The following CNGB1 variants were observed in gnomAD, a reference collection of about 807,000 sequenced individuals.
CNGB1 encodes cyclic nucleotide gated channel subunit beta 1.
CNGB1 carries 126 observed loss-of-function variants against 151.7 expected under a neutral mutation model. That is an observed-to-expected ratio of 0.83 (90% CI 0.72 to 0.96). CNGB1 has a LOEUF of 0.96. CNGB1 is among the 40% of genes least tolerant of loss of function. The pLI is 0.00. For missense variants in CNGB1, 1,698 were observed against 1,627.0 expected (o/e 1.04, Z -0.75); for synonymous variants, 623 against 635.1 (o/e 0.98, Z 0.29).
At chr16:57,960,193 C>T (rs1001640935) in intron 9 of CNGB1, 128 bp from the exon 10 acceptor site, 1 of 1,474,592 alleles carries the variant, frequency 6.8e-7, no homozygotes, top group Non-Finnish European at 9.0e-7. Flanking sequence ...GACCACCTCA[C>T]CCATCCCAAT....
At chr16:57,964,092 CG>C in intron 4 of CNGB1, 37 bp downstream of exon 4, 1 of 1,602,410 alleles carries the variant, frequency 6.2e-7, no homozygotes, top group Middle Eastern at 1.8e-4. Context: ...AGTTGGGAGG[CG>C]GGCTGGCCCT....
At chr16:57,939,404 C>A (rs1385054568) in intron 16 of CNGB1, 26 bp downstream of exon 16, 1 of 1,613,880 alleles carries the variant, frequency 6.2e-7, no homozygotes, top group East Asian at 2.2e-5. Flanking sequence ...TCTTGCGCAA[C>A]CCATCACCAC....
intron 25 of CNGB1, 103 bp from the exon 26 acceptor site, chr16:57,904,978 G>A: frequency 6.9e-7 from 1 of 1,446,988 alleles, no homozygotes; most frequent in Non-Finnish European, 9.7e-7. Flanking sequence ...TTGTGCAAAA[G>A]ACAGAAACCC....
chr16:57,963,591 C>T (rs942255124), intron 4 of CNGB1, among the ~76,000 whole-genome samples: 3 of 152,168 alleles, frequency 2.0e-5, no homozygotes, highest in Admixed American at 6.5e-5. Flanking sequence ...CTGCTCAGGC[C>T]CCAAGCACCA....
chr16:57,924,720 G>A (rs747487254), intron 17 of CNGB1, among the ~76,000 whole-genome samples: 34 of 152,140 alleles, frequency 2.2e-4, no homozygotes, highest in Admixed American at 1.7e-3. Flanking sequence ...CTTGGTGGAC[G>A]TGATTAGATC....
At chr16:57,890,069 G>A (rs1457641332) in intron 31 of CNGB1, among the ~76,000 whole-genome samples, 1 of 152,102 alleles carries the variant, frequency 6.6e-6, no homozygotes, top group Non-Finnish European at 1.5e-5. Context: ...GCTTTTTACC[G>A]GCAATTTTTC....
intron 31 of CNGB1, among the ~76,000 whole-genome samples, chr16:57,896,795 A>G (rs576756283): frequency 9.2e-5 from 14 of 152,052 alleles, no homozygotes; most frequent in African/African-American, 3.1e-4. Context: ...AAAGAAGTCC[A>G]AGTCACTAAA....
At chr16:57,958,539 T>A in intron 10 of CNGB1, 54 bp from the exon 11 acceptor site, 4 of 1,506,850 alleles carry the variant, frequency 2.7e-6, no homozygotes, top group Non-Finnish European at 3.7e-6. Context: ...ATGGGTAAAC[T>A]GAGGCTGGAG....
At chr16:57,953,493 TAAAAAAA>T (rs61409577) in intron 12 of CNGB1, among the ~76,000 whole-genome samples, 2 of 122,822 alleles carry the variant, frequency 1.6e-5, no homozygotes, top group Admixed American at 8.6e-5. Context: ...GGCTCAATCT[TAAAAAAA>T]AAAAAAAAAA....
In CNGB1 at chr16:57,917,254, T is replaced by A. The variant is rs1166164032; in HGVS notation, c.2166+14A>T. On this transcript the variant is annotated intron_variant, in intron 21 of 32. Coordinates refer to ENST00000251102, the MANE Select transcript of CNGB1 (RefSeq NM_001297.5). ...TGCCCCCGGTCACCCCAACACCACC[T>A]GCCTGTGACTCACAATGATGTCCCC... 1 of 1,608,322 alleles carries A rather than the reference T, an allele frequency of 6.2e-7. No individual in the cohort carries two copies. Among genetic ancestry groups the A allele is most frequent in the Non-Finnish European group, 8.5e-7 (1 of 1,177,214 alleles).
intron 23 of CNGB1, among the ~76,000 whole-genome samples, chr16:57,913,853 A>G (rs190824308): frequency 1.3e-3 from 203 of 152,336 alleles, no homozygotes; most frequent in Admixed American, 0.013. Context: ...CTCCTTTGAC[A>G]GAAATTGGTG....
intron 11 of CNGB1, among the ~76,000 whole-genome samples, chr16:57,957,601 G>A (rs1962123762): frequency 6.6e-6 from 1 of 152,182 alleles, no homozygotes; most frequent in South Asian, 2.1e-4. Flanking sequence ...AAGCAAGGTG[G>A]GGGTGACCCC....
Position 57,909,942 on chromosome 16 carries a change from G to A in CNGB1, c.2492+1811C>T, listed in dbSNP as rs146363030. On this transcript the variant is annotated intron_variant, in intron 25 of 32. Transcript: ENST00000251102. ...TGGGGCGGTACTATCTGATGTGATG[G>A]TTGTGAATTACTGTGTTCAGTGCTT... is the stretch of plus-strand genomic sequence containing the variant. 5.1e-3 allele frequency among the ~76,000 whole-genome samples: 779 copies of A among 152,358 alleles called. 8 individuals are homozygous for A. The highest frequency in any genetic ancestry group is 0.018 in the African/African-American group (739 of 41,584).
chr16:57,910,167 C>T (rs1027040499), intron 25 of CNGB1, among the ~76,000 whole-genome samples: 2 of 152,132 alleles, frequency 1.3e-5, no homozygotes, highest in African/African-American at 4.8e-5. Context: ...GGGTCGGACA[C>T]GCCTCATTGT....
Position 57,916,000 on chromosome 16 carries a change from C to T in CNGB1, c.2217+129G>A, listed in dbSNP as rs112689250. On this transcript the variant is annotated intron_variant, in intron 22 of 32. Transcript: ENST00000251102. ...TGGGGCTTGTGGTTTGGAGGACACT[C>T]CCACAGGGACCAGCATCCCTCCGTG... 4,136 of 897,674 alleles carry T rather than the reference C, an allele frequency of 4.6e-3. 112 individuals are homozygous for T. In the African/African-American group the frequency reaches 0.06, roughly 13 times the overall value. The allele number at this position is 897,674 out of a possible 1,614,324, so 55.6% of individuals were successfully genotyped here. A position where few individuals can be genotyped will look rare whatever the true frequency, so the allele number is the denominator to read the frequency against.
intron 22 of CNGB1, 47 bp from the exon 23 acceptor site, chr16:57,915,382 G>C (rs765321943): frequency 8.2e-6 from 12 of 1,456,168 alleles, no homozygotes; most frequent in Admixed American, 1.7e-5. Flanking sequence ...ATGACTCCAG[G>C]GTGGAAGGTG....
intron 2 of CNGB1, among the ~76,000 whole-genome samples, chr16:57,966,073 A>G (rs1962392869): frequency 1.3e-5 from 2 of 152,112 alleles, no homozygotes; most frequent in African/African-American, 2.4e-5. Flanking sequence ...CATCTCCCTC[A>G]GTTAAAATTC....
At chr16:57,931,469 T>A (rs960084447) in intron 17 of CNGB1, among the ~76,000 whole-genome samples, 1 of 152,114 alleles carries the variant, frequency 6.6e-6, no homozygotes, top group Non-Finnish European at 1.5e-5. Flanking sequence ...CTATATTATT[T>A]ATTATATTAC....
chr16:57,951,146 T>C (rs1961939439), intron 12 of CNGB1, among the ~76,000 whole-genome samples: 1 of 152,148 alleles, frequency 6.6e-6, no homozygotes, highest in South Asian at 2.1e-4. Flanking sequence ...TTTCAACACT[T>C]CTTCAAGTAT....
Sources: gnomAD v4.1 joint callset for allele counts (sites outside exome capture counted in the v4.1 genomes callset) on GRCh38, gnomAD v4.1.1 for gene constraint, MANE v1.5 for transcripts, NCBI Gene and HGNC (gene_info 2026-07-23, HGNC 2026-07-21) for gene names.